DNAH11: variants seen among roughly 807,000 people sequenced by gnomAD.
DNAH11 encodes dynein axonemal heavy chain 11.
DNAH11 carries 442 observed loss-of-function variants against 526.0 expected under a neutral mutation model. The ratio of observed to expected loss-of-function variants is 0.84; its 90% CI spans 0.78 to 0.91. The LOEUF is 0.91. Among genes scored for constraint, DNAH11 ranks in the 40% least tolerant of loss-of-function variants. The probability of loss-of-function intolerance (pLI) is 0.00; values close to 1 mark genes in which losing one functional copy is unlikely to be tolerated. For missense variants in DNAH11, 6,989 were observed against 5,448.7 expected (o/e 1.28, Z -8.90); for synonymous variants, 2,461 against 1,935.9 (o/e 1.27, Z -7.12).
intron 25 of DNAH11, among the ~76,000 whole-genome samples, chr7:21,629,509 A>T (rs1337681974): frequency 6.6e-6 from 1 of 152,128 alleles, no homozygotes; most frequent in Non-Finnish European, 1.5e-5. Context: ...GGGGCGTTAA[A>T]GTCCTGTACT....
chr7:21,695,042 T>A (rs1481863398), intron 35 of DNAH11, among the ~76,000 whole-genome samples: 1 of 152,142 alleles, frequency 6.6e-6, no homozygotes, highest in African/African-American at 2.4e-5. Flanking sequence ...ATAAGGGATG[T>A]GAAGGACCTC....
chr7:21,798,871 A>AT (rs57249045), intron 61 of DNAH11, among the ~76,000 whole-genome samples: 3,226 of 152,250 alleles, frequency 0.021, 117 homozygotes, highest in African/African-American at 0.073. Context: ...TAATATTGTT[A>AT]TTTTAATAAA....
intron 49 of DNAH11, among the ~76,000 whole-genome samples, chr7:21,743,796 G>C (rs1050119138): frequency 1.3e-5 from 2 of 152,178 alleles, no homozygotes; most frequent in Non-Finnish European, 2.9e-5. Flanking sequence ...TATCCTGCCT[G>C]TCAGCTGCAC....
In DNAH11 at chr7:21,690,944, G is replaced by A. The variant is rs1399967241; in HGVS notation, c.6041+63G>A. The A allele has an allele frequency of 4.8e-6, 6 of 1,240,664 alleles. No individual in the cohort carries two copies. The East Asian group carries it at 1.4e-4, about 30-fold the overall frequency. 76.9% of individuals were successfully genotyped at this position (1,240,664 alleles called of 1,614,324 possible). A position where few individuals can be genotyped will look rare whatever the true frequency, so the allele number is the denominator to read the frequency against. The stretch of plus-strand genomic sequence containing the variant: ...TCATGCCACCTAATGTTGTTGGTTT[G>A]CACTGTTAAGTGGTTTGCTTTTACT... On this transcript the variant is annotated intron_variant, in intron 35 of 81. Coordinates refer to ENST00000409508, the MANE Select transcript of DNAH11 (RefSeq NM_001277115.2).
chr7:21,590,822 C>T, intron 12 of DNAH11, 96 bp from the exon 13 acceptor site: 1 of 771,252 alleles, frequency 1.3e-6, no homozygotes, highest in South Asian at 4.2e-5. Context: ...TATAGTAATA[C>T]TTGGATAACA....
chr7:21,825,959 C>CAAAAAAA (rs56255077), intron 65 of DNAH11, among the ~76,000 whole-genome samples: 324 of 68,226 alleles, frequency 4.7e-3, no homozygotes, highest in African/African-American at 0.016. Context: ...ACTCTGTCTC[C>CAAAAAAA]AAAAAAAAAA....
intron 45 of DNAH11, among the ~76,000 whole-genome samples, chr7:21,732,149 A>G (rs917444884): frequency 6.6e-6 from 1 of 152,174 alleles, no homozygotes; most frequent in Non-Finnish European, 1.5e-5. Flanking sequence ...AACTTCAACC[A>G]CAGAAGTTTC....
intron 74 of DNAH11, among the ~76,000 whole-genome samples, chr7:21,875,731 A>G (rs547825683): frequency 6.6e-6 from 1 of 152,278 alleles, no homozygotes; most frequent in Admixed American, 6.5e-5. Context: ...CCCAAAGCCT[A>G]TGCATGAATT....
intron 66 of DNAH11, 113 bp from the exon 67 acceptor site, chr7:21,852,354 C>T: frequency 1.1e-5 from 13 of 1,135,806 alleles, no homozygotes; most frequent in African/African-American, 1.6e-5. Flanking sequence ...TCGCAGTGAG[C>T]CAAGATCATA....
intron 12 of DNAH11, 42 bp from the exon 13 acceptor site, chr7:21,590,876 T>G (rs1404826312): frequency 1.7e-6 from 2 of 1,153,398 alleles, no homozygotes; most frequent in African/African-American, 3.3e-5. Flanking sequence ...TAGAATGACA[T>G]TATGAAAATA....
intron 7 of DNAH11, among the ~76,000 whole-genome samples, chr7:21,571,533 G>A (rs1421761165): frequency 6.6e-6 from 1 of 152,136 alleles, no homozygotes; most frequent in Non-Finnish European, 1.5e-5. Context: ...TCCTGCCTCG[G>A]CCTCCCAAAG....
At chr7:21,773,524 A>G (rs1480724236) in intron 55 of DNAH11, among the ~76,000 whole-genome samples, 1 of 152,108 alleles carries the variant, frequency 6.6e-6, no homozygotes, top group Non-Finnish European at 1.5e-5. Flanking sequence ...TGTATTTGGT[A>G]TGTGGAGCAC....
At chr7:21,800,388 TG>T (rs1788924861) in intron 61 of DNAH11, among the ~76,000 whole-genome samples, 1 of 152,114 alleles carries the variant, frequency 6.6e-6, no homozygotes, top group Non-Finnish European at 1.5e-5. Context: ...TCCCAGCACT[TG>T]GGGAGGCCAA....
chr7:21,550,852 T>G (rs1006634067), intron 2 of DNAH11, among the ~76,000 whole-genome samples: 1 of 152,234 alleles, frequency 6.6e-6, no homozygotes, highest in South Asian at 2.1e-4. Context: ...CGATTATCAG[T>G]AAATTCTTTA....
intron 54 of DNAH11, among the ~76,000 whole-genome samples, chr7:21,759,812 A>T (rs1046023052): frequency 2.6e-5 from 4 of 152,176 alleles, no homozygotes; most frequent in African/African-American, 9.7e-5. Context: ...AAACGAAAAC[A>T]TATTACAAAG....
At chr7:21,715,298 C>G (rs926142415) in intron 42 of DNAH11, among the ~76,000 whole-genome samples, 7 of 152,288 alleles carry the variant, frequency 4.6e-5, no homozygotes, top group African/African-American at 1.7e-4. Context: ...AGTTTAGAAA[C>G]CACGCGGTTA....
intron 14 of DNAH11, among the ~76,000 whole-genome samples, chr7:21,594,368 C>G (rs1236000462): frequency 6.6e-6 from 1 of 152,152 alleles, no homozygotes; most frequent in Admixed American, 6.5e-5. Flanking sequence ...GTGTACCCAG[C>G]ACCTTTCTAG....
At chr7:21,830,296 A>G (rs187253493) in intron 65 of DNAH11, among the ~76,000 whole-genome samples, 18 of 152,348 alleles carry the variant, frequency 1.2e-4, no homozygotes, top group African/African-American at 4.1e-4. Flanking sequence ...TAATAATTCA[A>G]TTTATGAATC....
At chr7:21,834,485 T>A (rs1053933922) in intron 65 of DNAH11, among the ~76,000 whole-genome samples, 7 of 151,560 alleles carry the variant, frequency 4.6e-5, no homozygotes, top group Non-Finnish European at 5.9e-5. Context: ...GTAATGAAGA[T>A]CAGAATAGAA....
Sources: gnomAD v4.1 joint callset for allele counts (sites outside exome capture counted in the v4.1 genomes callset) on GRCh38, gnomAD v4.1.1 for gene constraint, MANE v1.5 for transcripts, NCBI Gene and HGNC (gene_info 2026-07-23, HGNC 2026-07-21) for gene names.